OCA2: variants seen among roughly 807,000 people sequenced by gnomAD.
The protein encoded by OCA2 is P protein.
Under a neutral mutation model 100.2 loss-of-function variants are expected in OCA2, and 77 were observed. The ratio of observed to expected loss-of-function variants is 0.77; its 90% CI spans 0.64 to 0.93. The LOEUF (loss-of-function observed/expected upper bound fraction) is 0.93. OCA2 is among the 40% of genes least tolerant of loss of function. The pLI, the probability that OCA2 is intolerant of heterozygous loss-of-function variation, is 0.00. For missense variants in OCA2, 1,062 were observed against 1,089.1 expected (o/e 0.98, Z 0.35); for synonymous variants, 432 against 439.2 (o/e 0.98, Z 0.21).
intron 23 of OCA2, among the ~76,000 whole-genome samples, chr15:27,839,802 G>A (rs887341653): frequency 2.6e-5 from 4 of 152,076 alleles, no homozygotes; most frequent in African/African-American, 9.7e-5. Flanking sequence ...ATAATCATTG[G>A]GTAGATTTGA....
At chr15:27,983,602 C>A (rs1595761537) in intron 13 of OCA2, 119 bp from the exon 14 acceptor site, 3 of 1,067,278 alleles carry the variant, frequency 2.8e-6, no homozygotes, top group South Asian at 2.6e-5. Context: ...CACACACACA[C>A]CCCTGTGGGG....
chr15:27,801,086 A>G (rs1326253018), intron 23 of OCA2, among the ~76,000 whole-genome samples: 1 of 152,220 alleles, frequency 6.6e-6, no homozygotes, highest in East Asian at 1.9e-4. Flanking sequence ...GTAATTTTAC[A>G]CAAACTCTTC....
chr15:27,844,971 A>T lies in OCA2; in HGVS notation c.2420T>A (p.Met807Lys), dbSNP rs1220453744. ...AEQHGYGFSFMEFFRLGFPMM... is the reference protein window; with the variant it reads ...AEQHGYGFSFKEFFRLGFPMM... ...AATTTAAAAGTACCTGAAAAATTCC[A>T]TGAAGGAGAACCCATATCCATGCTG... The change falls in exon 23 of 24, where the codon ATG becomes AAG. Residue 807 changes from methionine to lysine, a missense_variant. Coordinates refer to ENST00000354638, the MANE Select transcript of OCA2 (RefSeq NM_000275.3). 4.3e-6 allele frequency: 7 copies of T among 1,612,616 alleles called. No homozygotes were observed. The highest frequency in any genetic ancestry group is 1.3e-5 in the African/African-American group (1 of 74,886).
chr15:28,008,751 C>T (rs1219125579), intron 9 of OCA2, among the ~76,000 whole-genome samples: 1 of 152,202 alleles, frequency 6.6e-6, no homozygotes, highest in Admixed American at 6.5e-5. Context: ...ACAAACATTT[C>T]AAACAGAGCA....
intron 19 of OCA2, among the ~76,000 whole-genome samples, chr15:27,907,049 C>T (rs2038205145): frequency 1.3e-5 from 2 of 152,166 alleles, no homozygotes; most frequent in Non-Finnish European, 2.9e-5. Flanking sequence ...AGAAGGGATC[C>T]GCCACCATGA....
intron 2 of OCA2, among the ~76,000 whole-genome samples, chr15:28,065,104 AAAG>A (rs1362090488): frequency 6.6e-6 from 1 of 152,160 alleles, no homozygotes; most frequent in Non-Finnish European, 1.5e-5. Context: ...ACACAAAACC[AAAG>A]AAGCAAACAC....
chr15:27,860,631 T>C (rs1025564242), intron 21 of OCA2, among the ~76,000 whole-genome samples: 2 of 152,368 alleles, frequency 1.3e-5, no homozygotes, highest in East Asian at 3.9e-4. Context: ...GAACATGATC[T>C]CATTGTTTTT....
At chr15:27,839,334 T>C (rs1326282966) in intron 23 of OCA2, among the ~76,000 whole-genome samples, 1 of 152,086 alleles carries the variant, frequency 6.6e-6, no homozygotes, top group Non-Finnish European at 1.5e-5. Context: ...AAAATATACA[T>C]AAAACCTATA....
chr15:27,834,726 G>A (rs1388109787), intron 23 of OCA2, among the ~76,000 whole-genome samples: 2 of 152,212 alleles, frequency 1.3e-5, no homozygotes, highest in African/African-American at 2.4e-5. Flanking sequence ...AGTAGAAAAA[G>A]CCACTTGCTG....
chr15:27,895,517 T>C (rs2037650626), intron 19 of OCA2, among the ~76,000 whole-genome samples: 2 of 152,210 alleles, frequency 1.3e-5, no homozygotes, highest in Non-Finnish European at 2.9e-5. Flanking sequence ...CTGAGGAACT[T>C]GCTGGGAACT....
chr15:27,839,441 C>A (rs992274007), intron 23 of OCA2, among the ~76,000 whole-genome samples: 1 of 152,046 alleles, frequency 6.6e-6, no homozygotes, highest in African/African-American at 2.4e-5. Flanking sequence ...CAAAGCAAGT[C>A]CCAACAGTCT....
intron 9 of OCA2, among the ~76,000 whole-genome samples, chr15:27,991,037 G>A (rs1402323223): frequency 6.6e-6 from 1 of 152,208 alleles, no homozygotes; most frequent in Non-Finnish European, 1.5e-5. Context: ...TAAACCAAAG[G>A]TACACAGTCC....
Position 27,871,899 on chromosome 15 carries a change from T to C in OCA2, c.2103A>G (p.Ile701Met). The C allele has an allele frequency of 6.2e-7, 1 of 1,611,244 alleles. No homozygotes were observed. The highest frequency in any genetic ancestry group is 8.5e-7 in the Non-Finnish European group (1 of 1,177,886). ...AAGCAGTTTGTTCTCCAACATATTC[T>C]ATTAAGTGGAGATGTGCCAATGCCT... ...LMEALAHLHL[I>M]EYVGEQTALL... Residue 701 changes from isoleucine to methionine, a missense_variant, in exon 20 of 24, where the codon ATA becomes ATG. Transcript: ENST00000354638.
intron 22 of OCA2, among the ~76,000 whole-genome samples, chr15:27,848,224 C>T (rs2035607576): frequency 6.6e-6 from 1 of 152,194 alleles, no homozygotes; most frequent in Admixed American, 6.5e-5. Flanking sequence ...AGCTGCCCAT[C>T]CCTCCCTATC....
rs370765839 is a variant in OCA2, at chr15:27,838,882, C to T, written c.2432+6077G>A. Among the ~76,000 whole-genome samples, 5 of 152,128 alleles carry T rather than the reference C, an allele frequency of 3.3e-5. No individual in the cohort carries two copies. In the East Asian group the frequency reaches 5.8e-4, roughly 18 times the overall value. On this transcript the variant is annotated intron_variant, in intron 23 of 23. Transcript: ENST00000354638. Reference sequence around the variant, plus strand: ...TACCCAGGAGCTGATCTTGGGCTCTCAAAGATTAGCTTCACCTGTCAAAAG... The same window carrying T: ...TACCCAGGAGCTGATCTTGGGCTCTTAAAGATTAGCTTCACCTGTCAAAAG...
At chr15:27,875,761 T>C (rs2036765442) in intron 19 of OCA2, among the ~76,000 whole-genome samples, 1 of 151,962 alleles carries the variant, frequency 6.6e-6, no homozygotes, top group South Asian at 2.1e-4. Flanking sequence ...TATTCCTAGG[T>C]TTCTTAGGGT....
At chr15:28,042,635 G>T (rs2141478537) in intron 2 of OCA2, among the ~76,000 whole-genome samples, 1 of 151,720 alleles carries the variant, frequency 6.6e-6, no homozygotes, top group Admixed American at 6.6e-5. Context: ...GTGTGACTCT[G>T]TCTCAAAGTA....
chr15:27,722,010 T>C, the OCA2 span, among the ~76,000 whole-genome samples: 1 of 152,238 alleles, frequency 6.6e-6, no homozygotes, highest in Non-Finnish European at 1.5e-5. Context: ...AGATCTGTGC[T>C]ATAATAATTT....
intron 23 of OCA2, among the ~76,000 whole-genome samples, chr15:27,837,477 G>T (rs2035196914): frequency 6.6e-6 from 1 of 152,126 alleles, no homozygotes; most frequent in African/African-American, 2.4e-5. Flanking sequence ...CAGTAAAGAA[G>T]AAAACACCAA....
Sources: allele counts gnomAD v4.1 joint callset (sites outside exome capture counted in the v4.1 genomes callset), GRCh38; gene constraint gnomAD v4.1.1; transcripts MANE v1.5; gene names NCBI Gene and HGNC (gene_info 2026-07-23, HGNC 2026-07-21).